Variants in RAB3GAP1 observed in about 807,000 individuals in gnomAD.
RAB3GAP1 encodes rab3 GTPase-activating protein catalytic subunit.
In RAB3GAP1, 86 loss-of-function variants were observed where a neutral mutation model predicts 130.7. The ratio of observed to expected loss-of-function variants is 0.66; its 90% CI spans 0.55 to 0.79. The LOEUF (loss-of-function observed/expected upper bound fraction) is 0.79. RAB3GAP1 is among the 30% of genes least tolerant of loss of function. The pLI, the probability that RAB3GAP1 is intolerant of heterozygous loss-of-function variation, is 0.00. For synonymous variants in RAB3GAP1, 367 were observed against 401.7 expected (o/e 0.91, Z 1.03); for missense variants, 1,029 against 1,169.4 (o/e 0.88, Z 1.75).
At chr2:135,173,004 C>T (rs1319680945), downstream of RAB3GAP1, among the ~76,000 whole-genome samples, 2 of 152,150 alleles carry the variant, frequency 1.3e-5, no homozygotes. Flanking sequence ...CCAACAGCCA[C>T]ATGAGTAAGC....
At chr2:135,161,890 T>A (rs546591506) in intron 19 of RAB3GAP1, among the ~76,000 whole-genome samples, 40 of 152,274 alleles carry the variant, frequency 2.6e-4, no homozygotes, top group African/African-American at 5.3e-4. Context: ...GTATTTTTTT[T>A]AAAATTTTGA....
intron 8 of RAB3GAP1, among the ~76,000 whole-genome samples, chr2:135,122,742 G>C (rs949872763): frequency 2.0e-5 from 3 of 151,878 alleles, no homozygotes; most frequent in African/African-American, 7.3e-5. Flanking sequence ...TGTTTTTTGA[G>C]ACAGAGTCTT....
At chr2:135,090,421 A>G (rs1049967923) in intron 3 of RAB3GAP1, among the ~76,000 whole-genome samples, 2 of 152,142 alleles carry the variant, frequency 1.3e-5, no homozygotes, top group African/African-American at 4.8e-5. Flanking sequence ...TTACCTCTCC[A>G]TTGGAAAAAA....
intron 5 of RAB3GAP1, among the ~76,000 whole-genome samples, chr2:135,094,182 A>G (rs1690226367): frequency 1.3e-5 from 2 of 152,164 alleles, no homozygotes; most frequent in African/African-American, 4.8e-5. Context: ...AACCCTCCCC[A>G]AATCCCATTT....
intron 2 of RAB3GAP1, among the ~76,000 whole-genome samples, chr2:135,056,027 G>T (rs948050135): frequency 1.3e-5 from 2 of 151,284 alleles, no homozygotes; most frequent in East Asian, 3.9e-4. Flanking sequence ...TAGTAGTGGC[G>T]GGGTTTCACT....
intron 3 of RAB3GAP1, among the ~76,000 whole-genome samples, chr2:135,084,118 G>A (rs1336091756): frequency 6.6e-6 from 1 of 152,092 alleles, no homozygotes; most frequent in Non-Finnish European, 1.5e-5. Context: ...TGTGGCACAT[G>A]CCTGTAATCC....
intron 19 of RAB3GAP1, among the ~76,000 whole-genome samples, chr2:135,162,232 T>A: frequency 6.6e-6 from 1 of 152,250 alleles, no homozygotes; most frequent in Admixed American, 6.5e-5. Context: ...ATTCTGCGTC[T>A]TAAAATGAAA....
At chr2:135,135,124 G>T in intron 15 of RAB3GAP1, 141 bp from the exon 16 acceptor site, 1 of 705,608 alleles carries the variant, frequency 1.4e-6, no homozygotes, top group South Asian at 1.6e-5. Flanking sequence ...TCCCCCTCTG[G>T]AATTCACTTA....
chr2:135,172,228 G>A (rs1305346642), downstream of RAB3GAP1, among the ~76,000 whole-genome samples: 5 of 151,798 alleles, frequency 3.3e-5, no homozygotes, highest in South Asian at 2.1e-4. Context: ...TCAGGAGTTC[G>A]AGACCAGCCT....
chr2:135,104,629 G>C (rs1690539005), intron 5 of RAB3GAP1, among the ~76,000 whole-genome samples: 1 of 152,042 alleles, frequency 6.6e-6, no homozygotes, highest in East Asian at 1.9e-4. Flanking sequence ...GAGGTGGGCA[G>C]ATCACTTGAG....
intron 15 of RAB3GAP1, among the ~76,000 whole-genome samples, chr2:135,134,371 A>G (rs764182105): frequency 5.3e-5 from 8 of 152,204 alleles, no homozygotes; most frequent in Non-Finnish European, 8.8e-5. Flanking sequence ...TGCATATACA[A>G]AGTACTTTTA....
At chr2:135,167,816 G>A in intron 23 of RAB3GAP1, 1 of 993,404 alleles carries the variant, frequency 1.0e-6, no homozygotes, top group Non-Finnish European at 1.4e-6. Flanking sequence ...TCTGGATTTG[G>A]CTTACCTACC....
At chr2:135,149,689 T>A (rs946185848) in intron 17 of RAB3GAP1, among the ~76,000 whole-genome samples, 4 of 152,252 alleles carry the variant, frequency 2.6e-5, no homozygotes, top group Non-Finnish European at 5.9e-5. Context: ...AGTCTCGCTC[T>A]GTTGCCCAGG....
At chr2:135,101,059 T>TA (rs1334935971) in intron 5 of RAB3GAP1, among the ~76,000 whole-genome samples, 3 of 152,114 alleles carry the variant, frequency 2.0e-5, no homozygotes, top group Admixed American at 1.3e-4. Context: ...AACTTGTAGG[T>TA]AGTTTGGTAA....
At chr2:135,168,492 T>A in intron 23 of RAB3GAP1, 53 bp from the exon 24 acceptor site, 2 of 1,387,436 alleles carry the variant, frequency 1.4e-6, no homozygotes, top group Non-Finnish European at 2.1e-6. Context: ...TTCAAAAGCA[T>A]CTGAGTTTAG....
chr2:135,147,518 CAT>C (rs1692034414), intron 17 of RAB3GAP1, among the ~76,000 whole-genome samples: 2 of 151,988 alleles, frequency 1.3e-5, no homozygotes, highest in South Asian at 4.2e-4. Context: ...GATTAAGTCA[CAT>C]ATCATATTCG....
intron 17 of RAB3GAP1, among the ~76,000 whole-genome samples, chr2:135,148,536 C>G (rs192455497): frequency 6.8e-6 from 1 of 146,448 alleles, no homozygotes; most frequent in African/African-American, 2.5e-5. Flanking sequence ...TCACTGTTAC[C>G]GAGGCCTGAG....
intron 5 of RAB3GAP1, among the ~76,000 whole-genome samples, chr2:135,103,518 C>T (rs1045060469): frequency 1.1e-4 from 16 of 152,176 alleles, no homozygotes; most frequent in South Asian, 2.1e-4. Context: ...TTAGTGATTC[C>T]TCTTTGCTAA....
chr2:135,171,335 G>A (rs1451086418), downstream of RAB3GAP1, among the ~76,000 whole-genome samples: 1 of 152,142 alleles, frequency 6.6e-6, no homozygotes, highest in Admixed American at 6.5e-5. Flanking sequence ...GCAGGGGAGT[G>A]ACATGGTGGG....
Sources: allele counts gnomAD v4.1 joint callset (sites outside exome capture counted in the v4.1 genomes callset), GRCh38; gene constraint gnomAD v4.1.1; transcripts MANE v1.5; gene names NCBI Gene and HGNC (gene_info 2026-07-23, HGNC 2026-07-21).